The following CCDC184 variants were observed in gnomAD, a reference collection of about 807,000 sequenced individuals.
CCDC184 encodes the protein coiled-coil domain containing 184.
Under a neutral mutation model 10.4 loss-of-function variants are expected in CCDC184, and 11 were observed. That is an observed-to-expected ratio of 1.06 (90% CI 0.67 to 1.75). CCDC184 has a LOEUF of 1.75. Among genes scored for constraint, CCDC184 ranks in the 40% most tolerant of loss-of-function variants. The pLI is 0.00. For synonymous variants in CCDC184, 102 were observed against 116.1 expected (o/e 0.88, Z 0.78); for missense variants, 264 against 267.9 (o/e 0.99, Z 0.10).
chr12:48,184,888 A>C lies in CCDC184; in HGVS notation c.*181A>C, dbSNP rs974231053. ...GTGAAGGACTTTGGGAGCATCGAGA[A>C]TTCTTTCTGCCCAACTAAGCGAATT... On this transcript the variant is annotated 3_prime_UTR_variant, in exon 1 of 1. Transcript: ENST00000316554. The C allele has an allele frequency of 4.3e-5, 25 of 583,126 alleles. No homozygotes were observed. Among genetic ancestry groups the C allele is most frequent in the African/African-American group, 3.7e-4 (20 of 53,560 alleles). The allele number at this position is 583,126 out of a possible 1,614,324, so 36.1% of individuals were successfully genotyped here. A position where few individuals can be genotyped will look rare whatever the true frequency, so the allele number is the denominator to read the frequency against.
Position 48,184,282 on chromosome 12 carries a change from C to T in CCDC184, c.160C>T (p.Leu54=). 6.2e-7 allele frequency: 1 copy of T among 1,614,164 alleles called. No individual in the cohort carries two copies. Among genetic ancestry groups the T allele is most frequent in the Non-Finnish European group, 8.5e-7 (1 of 1,180,024 alleles). The change falls in exon 1 of 1, where the codon CTG becomes TTG. Residue 54 remains leucine (L), a synonymous_variant. Coordinates refer to ENST00000316554, the MANE Select transcript of CCDC184 (RefSeq NM_001013635.4). The part of the protein sequence containing the change: ...MEHLKAQLQA[L]FEDVRAMRGA... ...GCACCTGAAAGCCCAGCTGCAAGCC[C>T]TGTTTGAGGACGTGAGGGCCATGAG...
At position 48,184,545 on chromosome 12, in the gene CCDC184, GGAA is replaced by G. The variant is rs746843004; in HGVS notation, c.429_431del (p.Glu144del). 7 of 1,551,580 alleles carry G rather than the reference GGAA, an allele frequency of 4.5e-6. No individual in the cohort carries two copies. The East Asian group carries it at 1.7e-4, about 37-fold the overall frequency. ...GCGATCCCGAGGACGAGGAGGAAGA[GGAA>G]GAAGAGAAGGAGATGCCCAGCCCCG... On this transcript the variant is annotated inframe_deletion, in exon 1 of 1. Transcript: ENST00000316554.
In CCDC184 at chr12:48,184,044, T is replaced by TA; in HGVS notation, c.-79_-78insA. 2 of 652,392 alleles carry TA rather than the reference T, an allele frequency of 3.1e-6. No individual in the cohort carries two copies. The highest frequency in any genetic ancestry group is 7.8e-5 in the East Asian group (2 of 25,748). The allele number at this position is 652,392 out of a possible 1,614,324, so 40.4% of individuals were successfully genotyped here. A position where few individuals can be genotyped will look rare whatever the true frequency, so the allele number is the denominator to read the frequency against. On this transcript the variant is annotated 5_prime_UTR_variant, in exon 1 of 1. Transcript: ENST00000316554. ...TCCCGCTAGCCCCTCCCGGGACCTC[T>TA]CCCCCTCCACCCCCTCCCCCACCCC...
rs926045549 is a variant in CCDC184, at chr12:48,183,774, G to T, written c.-349G>T. ...GAGCGCGTCTGTGACCCACGGAACC[G>T]GCAGGCGCTCTCTGCTTGTGGCGCC... On this transcript the variant is annotated 5_prime_UTR_variant, in exon 1 of 1. Transcript: ENST00000316554. 2 of 265,600 alleles carry T rather than the reference G, an allele frequency of 7.5e-6. No individual in the cohort carries two copies. Among genetic ancestry groups the T allele is most frequent in the Admixed American group, 4.9e-5 (1 of 20,240 alleles). 16.5% of individuals were successfully genotyped at this position (265,600 alleles called of 1,614,324 possible).
chr12:48,184,359 G>A lies in CCDC184; in HGVS notation c.237G>A (p.Val79=), dbSNP rs778874775. 8.7e-6 allele frequency: 14 copies of A among 1,613,824 alleles called. No homozygotes were observed. The African/African-American group carries it at 1.3e-4, about 15-fold the overall frequency. The part of the protein sequence containing the change: ...ASHIQVLSDD[V]CANQRAIVSM... ...ACATCCAGGTGCTCTCGGACGACGT[G>A]TGCGCCAACCAGCGAGCCATCGTCT... Residue 79 remains valine, a synonymous_variant, in exon 1 of 1, where the codon GTG becomes GTA. Transcript: ENST00000316554.
At position 48,184,442 on chromosome 12, in the gene CCDC184, G is replaced by A; in HGVS notation, c.320G>A (p.Gly107Asp). Residue 107 changes from glycine to aspartate, a missense_variant, in exon 1 of 1, where the codon GGC (glycine) becomes GAC (aspartate). Transcript: ENST00000316554. ...CAGGGCGGCTTGGGCGTGGTCGGCG[G>A]CAAGGGGAGCTTCCAGAGCGACCCC... Reference protein sequence around the residue: ...PRQGGLGVVGGKGSFQSDPQE... With the variant: ...PRQGGLGVVGDKGSFQSDPQE... 6.2e-7 allele frequency: 1 copy of A among 1,608,190 alleles called. No homozygotes were observed. Among genetic ancestry groups the A allele is most frequent in the Non-Finnish European group, 8.5e-7 (1 of 1,179,756 alleles).
rs746608900 is a variant in CCDC184, at chr12:48,184,087, C to A, written c.-36C>A. On this transcript the variant is annotated 5_prime_UTR_variant, in exon 1 of 1. Coordinates refer to ENST00000316554, the MANE Select transcript of CCDC184 (RefSeq NM_001013635.4). ...CCCACCCCGGAGGCCGGGCTGGACG[C>A]GACCCAGAGCCTCCGCCACCCGCTT... 11 of 1,535,416 alleles carry A rather than the reference C, an allele frequency of 7.2e-6. No individual in the cohort carries two copies. Among genetic ancestry groups the A allele is most frequent in the Non-Finnish European group, 9.8e-6 (11 of 1,122,588 alleles).
chr12:48,184,503 C>G lies in CCDC184; in HGVS notation c.381C>G (p.Asp127Glu). The change falls in exon 1 of 1, where the codon GAC becomes GAG. Residue 127 changes from aspartate (D) to glutamate (E), a missense_variant. Physicochemically the swap from Asp to Glu is conservative, Grantham distance 45. Transcript: ENST00000316554. ...EPETPSPGIG[D>E]SGLLGRDPED... ...AGACTCCTTCGCCTGGGATCGGGGA[C>G]AGCGGCTTGCTGGGTCGCGATCCCG... The G allele has an allele frequency of 3.8e-6, 6 of 1,596,284 alleles. No homozygotes were observed. Among genetic ancestry groups the G allele is most frequent in the Admixed American group, 1.7e-5 (1 of 58,334 alleles).
rs1951492192 is a variant in CCDC184 at position 48,184,884 on chromosome 12, G to A, written c.*177G>A. 4 of 587,566 alleles carry A rather than the reference G, an allele frequency of 6.8e-6. No homozygotes were observed. In the East Asian group the frequency reaches 1.1e-4, roughly 17 times the overall value. 36.4% of individuals were successfully genotyped at this position (587,566 alleles called of 1,614,324 possible). A position where few individuals can be genotyped will look rare whatever the true frequency, so the allele number is the denominator to read the frequency against. On this transcript the variant is annotated 3_prime_UTR_variant, in exon 1 of 1. Transcript: ENST00000316554. ...TAGGGTGAAGGACTTTGGGAGCATCGAGAATTCTTTCTGCCCAACTAAGCG... is the reference window on the plus strand; with the variant it reads ...TAGGGTGAAGGACTTTGGGAGCATCAAGAATTCTTTCTGCCCAACTAAGCG...
In CCDC184 at chr12:48,184,446, G is replaced by A. The variant is rs532837002; in HGVS notation, c.324G>A (p.Lys108=). 3.7e-6 allele frequency: 6 copies of A among 1,607,866 alleles called. No individual in the cohort carries two copies. In the East Asian group the frequency reaches 8.9e-5, roughly 24 times the overall value. Residue 108 remains lysine, a synonymous_variant, in exon 1 of 1, where the codon AAG becomes AAA. Transcript: ENST00000316554. ...RQGGLGVVGG[K]GSFQSDPQEP... is the part of the protein sequence containing the mutation. ...GCGGCTTGGGCGTGGTCGGCGGCAAGGGGAGCTTCCAGAGCGACCCCCAAG... is the reference window on the plus strand; with the variant it reads ...GCGGCTTGGGCGTGGTCGGCGGCAAAGGGAGCTTCCAGAGCGACCCCCAAG...
chr12:48,183,794 G>C lies in CCDC184; in HGVS notation c.-329G>C. 3.2e-6 allele frequency: 1 copy of C among 309,092 alleles called. No individual in the cohort carries two copies. Among genetic ancestry groups the C allele is most frequent in the Non-Finnish European group, 6.0e-6 (1 of 167,402 alleles). 19.1% of individuals were successfully genotyped at this position (309,092 alleles called of 1,614,324 possible). A position where few individuals can be genotyped will look rare whatever the true frequency, so the allele number is the denominator to read the frequency against. On this transcript the variant is annotated 5_prime_UTR_variant, in exon 1 of 1. Coordinates refer to ENST00000316554, the MANE Select transcript of CCDC184 (RefSeq NM_001013635.4). ...GAACCGGCAGGCGCTCTCTGCTTGT[G>C]GCGCCCAGAGGGCGGCGCTGACACG...
rs1951489151 is a variant in CCDC184, at chr12:48,184,494, G to C, written c.372G>C (p.Gly124=). 6.2e-7 allele frequency: 1 copy of C among 1,600,624 alleles called. No homozygotes were observed. The highest frequency in any genetic ancestry group is 1.3e-5 in the African/African-American group (1 of 74,894). Residue 124 remains glycine (G), a synonymous_variant, in exon 1 of 1, where the codon GGG becomes GGC. Transcript: ENST00000316554. ...DPQEPETPSP[G]IGDSGLLGRD... is the part of the protein sequence containing the mutation. ...AAGAGCCGGAGACTCCTTCGCCTGG[G>C]ATCGGGGACAGCGGCTTGCTGGGTC... is the stretch of plus-strand genomic sequence containing the variant.
Position 48,184,146 on chromosome 12 carries a change from C to A in CCDC184, c.24C>A (p.Ile8=). 1 of 1,609,536 alleles carries A rather than the reference C, an allele frequency of 6.2e-7. No homozygotes were observed. The highest frequency in any genetic ancestry group is 1.1e-5 in the South Asian group (1 of 90,938). ...CAATGGAGGACGGTCTGCTGGAGAT[C>A]ATGACCAAGGACGGCGGCGACATGC... MEDGLLE[I]MTKDGGDMPA... Residue 8 remains isoleucine, a synonymous_variant, in exon 1 of 1, where the codon ATC becomes ATA. Coordinates refer to ENST00000316554, the MANE Select transcript of CCDC184 (RefSeq NM_001013635.4).
At position 48,184,500 on chromosome 12, in the gene CCDC184, G is replaced by A. The variant is rs1320902301; in HGVS notation, c.378G>A (p.Gly126=). 1.7e-5 allele frequency: 27 copies of A among 1,598,530 alleles called. No individual in the cohort carries two copies. The highest frequency in any genetic ancestry group is 2.2e-5 in the Non-Finnish European group (26 of 1,177,130). The part of the protein sequence containing the change: ...QEPETPSPGI[G]DSGLLGRDPE... ...CGGAGACTCCTTCGCCTGGGATCGGGGACAGCGGCTTGCTGGGTCGCGATC... is the reference window on the plus strand; with the variant it reads ...CGGAGACTCCTTCGCCTGGGATCGGAGACAGCGGCTTGCTGGGTCGCGATC... The change falls in exon 1 of 1, where the codon GGG becomes GGA. Residue 126 remains glycine (G), a synonymous_variant. Coordinates refer to ENST00000316554, the MANE Select transcript of CCDC184 (RefSeq NM_001013635.4).
At position 48,184,577 on chromosome 12, in the gene CCDC184, C is replaced by T; in HGVS notation, c.455C>T (p.Thr152Ile). The change falls in exon 1 of 1, where the codon ACA becomes ATA. Residue 152 changes from threonine to isoleucine, a missense_variant. Transcript: ENST00000316554. ...GAGAAGGAGATGCCCAGCCCCGCCA[C>T]ACCCTCCAGTCACTGTGAGCGCCCC... Reference protein sequence around the residue: ...EEEKEMPSPATPSSHCERPES... With the variant: ...EEEKEMPSPAIPSSHCERPES... 6.4e-7 allele frequency: 1 copy of T among 1,557,326 alleles called. No homozygotes were observed. The highest frequency in any genetic ancestry group is 8.7e-7 in the Non-Finnish European group (1 of 1,152,558).
Position 48,184,616 on chromosome 12 carries a change from C to A in CCDC184, c.494C>A (p.Ala165Asp). 2 of 1,572,662 alleles carry A rather than the reference C, an allele frequency of 1.3e-6. No individual in the cohort carries two copies. Among genetic ancestry groups the A allele is most frequent in the East Asian group, 2.3e-5 (1 of 42,842 alleles). The part of the protein sequence containing the change: ...SHCERPESPC[A>D]GLLGGDGPLV... ...TGTGAGCGCCCCGAAAGCCCCTGTG[C>A]TGGTCTCCTTGGGGGGGACGGGCCA... The change falls in exon 1 of 1, where the codon GCT becomes GAT. Residue 165 changes from alanine (A) to aspartate (D), a missense_variant. By Grantham distance (126) the Ala-to-Asp change is moderately radical (BLOSUM62 -2). Transcript: ENST00000316554.
rs1951491700 is a variant in CCDC184 at position 48,184,805 on chromosome 12, G to C, written c.*98G>C. The C allele has an allele frequency of 1.1e-6, 1 of 905,016 alleles. No homozygotes were observed. The highest frequency in any genetic ancestry group is 1.7e-5 in the African/African-American group (1 of 59,688). 56.1% of individuals were successfully genotyped at this position (905,016 alleles called of 1,614,324 possible). On this transcript the variant is annotated 3_prime_UTR_variant, in exon 1 of 1. Coordinates refer to ENST00000316554, the MANE Select transcript of CCDC184 (RefSeq NM_001013635.4). ...CGGCGCGGTGCGGCATGCTTCACTT[G>C]GACAGCTGCTCTTGTGGGTCAGGCA... is the stretch of plus-strand genomic sequence containing the variant.
Position 48,184,443 on chromosome 12 carries a change from C to G in CCDC184, c.321C>G (p.Gly107=). The stretch of plus-strand genomic sequence containing the variant: ...AGGGCGGCTTGGGCGTGGTCGGCGG[C>G]AAGGGGAGCTTCCAGAGCGACCCCC... ...PRQGGLGVVG[G]KGSFQSDPQE... is the part of the protein sequence containing the mutation. The change falls in exon 1 of 1, where the codon GGC becomes GGG. Residue 107 remains glycine (G), a synonymous_variant. Coordinates refer to ENST00000316554, the MANE Select transcript of CCDC184 (RefSeq NM_001013635.4). 6.2e-7 allele frequency: 1 copy of G among 1,608,368 alleles called. No individual in the cohort carries two copies. The highest frequency in any genetic ancestry group is 8.5e-7 in the Non-Finnish European group (1 of 1,179,810).
Position 48,184,102 on chromosome 12 carries a change from G to C in CCDC184, c.-21G>C. On this transcript the variant is annotated 5_prime_UTR_variant, in exon 1 of 1. Transcript: ENST00000316554. Reference sequence around the variant, plus strand: ...GGGCTGGACGCGACCCAGAGCCTCCGCCACCCGCTTCTGCCACTCAATGGA... The same window carrying C: ...GGGCTGGACGCGACCCAGAGCCTCCCCCACCCGCTTCTGCCACTCAATGGA... The C allele has an allele frequency of 1.7e-6, 2 of 1,211,612 alleles. No homozygotes were observed. The allele number at this position is 1,211,612 out of a possible 1,614,324, so 75.1% of individuals were successfully genotyped here. A position where few individuals can be genotyped will look rare whatever the true frequency, so the allele number is the denominator to read the frequency against.
Sources: allele counts gnomAD v4.1 joint callset, GRCh38; gene constraint gnomAD v4.1.1; transcripts MANE v1.5; gene names NCBI Gene and HGNC (gene_info 2026-07-23, HGNC 2026-07-21).